C6orf136: variants seen among roughly 807,000 people sequenced by gnomAD.
C6orf136 encodes uncharacterized protein C6orf136.
A neutral mutation model predicts 44.0 loss-of-function variants in C6orf136; 29 were observed. The observed-to-expected ratio is 0.66, with a 90% CI of 0.49 to 0.90. C6orf136 has a LOEUF of 0.90. C6orf136 is among the 40% of genes least tolerant of loss of function. The pLI is 0.00. For missense variants in C6orf136, 628 were observed against 669.3 expected, an observed-to-expected ratio of 0.94 and a Z score of 0.68; for synonymous variants, 293 against 278.6, an observed-to-expected ratio of 1.05 and a Z score of -0.52.
intron 1 of C6orf136, among the ~76,000 whole-genome samples, chr6:30,649,247 C>A (rs551666446): frequency 1.3e-5 from 2 of 152,184 alleles, no homozygotes; most frequent in Non-Finnish European, 2.9e-5. Context: ...CCTGTAGTCC[C>A]AGCTACTCAG....
intron 4 of C6orf136, 70 bp from the exon 5 acceptor site, chr6:30,652,578 A>T: frequency 7.0e-7 from 1 of 1,425,890 alleles, no homozygotes; most frequent in African/African-American, 1.4e-5. Flanking sequence ...CTACTCGTTT[A>T]AACAAATGCT....
chr6:30,651,507 CCTTT>C (rs1475398583), intron 4 of C6orf136, 41 bp downstream of exon 4: 4 of 1,502,246 alleles, frequency 2.7e-6, no homozygotes, highest in South Asian at 1.2e-5. Context: ...ATAATCAGTT[CCTTT>C]TTTTTTTTTT....
chr6:30,650,864 A>C (rs952629844), intron 2 of C6orf136, 130 bp from the exon 3 acceptor site: 7 of 659,992 alleles, frequency 1.1e-5, no homozygotes, highest in African/African-American at 3.7e-5. Context: ...GTGAGCTGAG[A>C]TTGTACCTCT....
Position 30,651,269 on chromosome 6 carries a change from C to A in C6orf136, c.1110C>A (p.Gly370=), listed in dbSNP as rs1295896483. 11 of 1,613,888 alleles carry A rather than the reference C, an allele frequency of 6.8e-6. No homozygotes were observed. The highest frequency in any genetic ancestry group is 9.3e-6 in the Non-Finnish European group (11 of 1,180,000). The change falls in exon 4 of 6, where the codon GGC becomes GGA. Residue 370 remains glycine (G), a synonymous_variant. Transcript: ENST00000651131. ...INEILNIRTK[G]RTWYILSLTL... ...CTTTCCCATCCCTTCTTCACAGGGG[C>A]CGGACATGGTACATTCTTTCACTGA...
intron 2 of C6orf136, 119 bp downstream of exon 2, chr6:30,650,078 T>C: frequency 1.1e-6 from 1 of 899,680 alleles, no homozygotes; most frequent in East Asian, 2.7e-5. Context: ...TAGAAATATA[T>C]TATAAACATT....
chr6:30,649,759 G>T lies in C6orf136; in HGVS notation c.817G>T (p.Glu273Ter). Reference sequence around the variant, plus strand: ...GGTGGTTCTCCCTCCAGGAAAGGGGGAGGAGGGACCAGGACCTGAGTTGCA... The same window carrying T: ...GGTGGTTCTCCCTCCAGGAAAGGGGTAGGAGGGACCAGGACCTGAGTTGCA... ...AWVVLPPGKGEEGPGPELHSG... is the reference protein window; with the variant it reads ...AWVVLPPGKG The change falls in exon 2 of 6, where the codon GAG (glutamate) becomes TAG (stop). Residue 273 changes from glutamate to a stop codon, truncating the protein, a stop_gained. Transcript: ENST00000651131. LOFTEE classifies it high-confidence loss of function. 2 of 1,614,016 alleles carry T rather than the reference G, an allele frequency of 1.2e-6. No homozygotes were observed. The highest frequency in any genetic ancestry group is 8.5e-7 in the Non-Finnish European group (1 of 1,179,964).
chr6:30,647,822 C>T lies in C6orf136; in HGVS notation c.591C>T (p.Ala197=), dbSNP rs551411222. The T allele has an allele frequency of 2.0e-6, 3 of 1,513,316 alleles. No homozygotes were observed. Among genetic ancestry groups the T allele is most frequent in the Non-Finnish European group, 2.7e-6 (3 of 1,131,288 alleles). 93.7% of individuals were successfully genotyped at this position (1,513,316 alleles called of 1,614,324 possible). A position where few individuals can be genotyped will look rare whatever the true frequency, so the allele number is the denominator to read the frequency against. The change falls in exon 1 of 6, where the codon GCC becomes GCT. Residue 197 remains alanine, a synonymous_variant. Transcript: ENST00000651131. This position sits in a 1 kb window ranked among gnomAD's most constrained non-coding sequence, Gnocchi z 4.8. ...QDGHAPSRDG[A]SRTPSGTEDQ... ...GCCACGCCCCCAGCAGAGACGGCGC[C>T]TCTAGGACACCATCGGGGACCGAGG...
chr6:30,647,556 G>C lies in C6orf136; in HGVS notation c.325G>C (p.Ala109Pro). 1 of 1,531,188 alleles carries C rather than the reference G, an allele frequency of 6.5e-7. No individual in the cohort carries two copies. The highest frequency in any genetic ancestry group is 1.7e-4 in the Middle Eastern group (1 of 5,954). The allele number at this position is 1,531,188 out of a possible 1,614,324, so 94.9% of individuals were successfully genotyped here. A position where few individuals can be genotyped will look rare whatever the true frequency, so the allele number is the denominator to read the frequency against. Residue 109 changes from alanine (A) to proline (P), a missense_variant, in exon 1 of 6, where the codon GCG (alanine) becomes CCG (proline). By Grantham distance (27) the Ala-to-Pro change is conservative (BLOSUM62 -1). Around this residue, in one of 2 missense-constraint regions of C6orf136, gnomAD observed 497 missense variants for 469.2 expected, o/e 1.06. Transcript: ENST00000651131. This position sits in a 1 kb window ranked among gnomAD's most constrained non-coding sequence, Gnocchi z 4.8. ...RAVRRGQGQA[A>P]GRVCVAPDSP... is the part of the protein sequence containing the mutation. ...GGTCAGGCGGGGTCAAGGCCAGGCA[G>C]CGGGGCGCGTCTGCGTTGCGCCCGA... is the stretch of plus-strand genomic sequence containing the variant.
At position 30,647,160 on chromosome 6, in the gene C6orf136, T is replaced by G; in HGVS notation, c.-72T>G. ...CCTTTCCCCTTCACGAAGCCGGCTC[T>G]GGGGCGCGCTCACCCCTGTGAGGAG... On this transcript the variant is annotated 5_prime_UTR_variant, in exon 1 of 6. Transcript: ENST00000651131. This position sits in a 1 kb window ranked among gnomAD's most constrained non-coding sequence, Gnocchi z 4.8. The G allele has an allele frequency of 8.8e-7, 1 of 1,140,760 alleles. No individual in the cohort carries two copies. Among genetic ancestry groups the G allele is most frequent in the Non-Finnish European group, 1.1e-6 (1 of 879,698 alleles). 70.7% of individuals were successfully genotyped at this position (1,140,760 alleles called of 1,614,324 possible).
intron 4 of C6orf136, 151 bp from the exon 5 acceptor site, chr6:30,652,497 C>T (rs1767528770): frequency 2.7e-6 from 2 of 729,562 alleles, no homozygotes; most frequent in Non-Finnish European, 5.0e-6. Context: ...TTAATTGAGA[C>T]AGGGCACAAC....
chr6:30,647,672 G>A lies in C6orf136; in HGVS notation c.441G>A (p.Pro147=). ...CTGCGGCGCCGTCCCGGAGTTCCCC[G>A]GCCCAGACCAGACCCGCGGGGCGCC... ...SPAAAPSRSS[P]AQTRPAGRPQ... is the part of the protein sequence containing the mutation. The change falls in exon 1 of 6, where the codon CCG becomes CCA. Residue 147 remains proline, a synonymous_variant. Transcript: ENST00000651131. This position sits in a 1 kb window ranked among gnomAD's most constrained non-coding sequence, Gnocchi z 4.8. 1.9e-6 allele frequency: 3 copies of A among 1,550,030 alleles called. No individual in the cohort carries two copies. Among genetic ancestry groups the A allele is most frequent in the Non-Finnish European group, 2.6e-6 (3 of 1,146,630 alleles).
In C6orf136 at chr6:30,652,740, T is replaced by C. The variant is rs901617266; in HGVS notation, c.1377+23T>C. 2.5e-6 allele frequency: 4 copies of C among 1,612,620 alleles called. No individual in the cohort carries two copies. In the African/African-American group the frequency reaches 5.3e-5, roughly 22 times the overall value. ...AAAGTGAGTCCTAGGTAGGGCTGGG[T>C]GGGGTAAAGGGTAGAACATTTGTGT... On this transcript the variant is annotated intron_variant, in intron 5 of 5. Transcript: ENST00000651131.
rs763042784 is a variant in C6orf136 at position 30,651,266 on chromosome 6, G to A, written c.1107G>A (p.Lys369=). Residue 369 remains lysine (K), a splice_region_variant and synonymous_variant, in exon 4 of 6, where the codon AAG becomes AAA. Transcript: ENST00000651131. ...TTTCTTTCCCATCCCTTCTTCACAG[G>A]GGCCGGACATGGTACATTCTTTCAC... The part of the protein sequence containing the change: ...FINEILNIRT[K]GRTWYILSLT... The A allele has an allele frequency of 6.8e-6, 11 of 1,613,840 alleles. No homozygotes were observed. The Admixed American group carries it at 8.3e-5, about 12-fold the overall frequency.
In C6orf136 at chr6:30,647,600, G is replaced by A. The variant is rs1346931261; in HGVS notation, c.369G>A (p.Val123=). ...CVAPDSPRLP[V]PRGDLKGRGR... ...CGCCCGACTCTCCGCGGTTACCTGTGCCTAGAGGTGATTTGAAGGGCAGGG... is the reference window on the plus strand; with the variant it reads ...CGCCCGACTCTCCGCGGTTACCTGTACCTAGAGGTGATTTGAAGGGCAGGG... Residue 123 remains valine, a synonymous_variant, in exon 1 of 6, where the codon GTG becomes GTA. Coordinates refer to ENST00000651131, the MANE Select transcript of C6orf136 (RefSeq NM_001161376.2). This position sits in a 1 kb window ranked among gnomAD's most constrained non-coding sequence, Gnocchi z 4.8. 1 of 1,548,982 alleles carries A rather than the reference G, an allele frequency of 6.5e-7. No homozygotes were observed. Among genetic ancestry groups the A allele is most frequent in the Admixed American group, 2.0e-5 (1 of 50,926 alleles).
chr6:30,647,215 T>C lies in C6orf136; in HGVS notation c.-17T>C, dbSNP rs1322980887. 13 of 1,565,410 alleles carry C rather than the reference T, an allele frequency of 8.3e-6. No homozygotes were observed. The highest frequency in any genetic ancestry group is 1.1e-5 in the Non-Finnish European group (13 of 1,161,968). On this transcript the variant is annotated 5_prime_UTR_variant, in exon 1 of 6. Transcript: ENST00000651131. The surrounding 1 kb of genome is among the most constrained non-coding windows in gnomAD (Gnocchi z 4.8). Reference sequence around the variant, plus strand: ...GAGGTCGGACTCAGGAGGCTCCTTCTCCACTCCCGGAAGATCATGTACCAG... The same window carrying C: ...GAGGTCGGACTCAGGAGGCTCCTTCCCCACTCCCGGAAGATCATGTACCAG...
chr6:30,650,145 G>T (rs546997781), intron 2 of C6orf136, among the ~76,000 whole-genome samples, 186 bp downstream of exon 2: 1 of 152,226 alleles, frequency 6.6e-6, no homozygotes, highest in East Asian at 1.9e-4. Context: ...TGTAATCCCA[G>T]CACTTTGGGA....
In C6orf136 at chr6:30,647,295, C is replaced by T; in HGVS notation, c.64C>T (p.Arg22Ter). ...CCCTTGCCTGCGCGCCTACCAGGCT[C>T]GACCCCAGGTGAGCGGAGGAGAAGA... ...LGPCLRAYQA[R>*]PQVSGGEEGG... Residue 22 changes from arginine (R) to a stop codon, truncating the protein, a stop_gained, in exon 1 of 6, where the codon CGA becomes TGA. Coordinates refer to ENST00000651131, the MANE Select transcript of C6orf136 (RefSeq NM_001161376.2). LOFTEE classifies it high-confidence loss of function. The surrounding 1 kb of genome is among the most constrained non-coding windows in gnomAD (Gnocchi z 4.8). The T allele has an allele frequency of 6.3e-7, 1 of 1,599,418 alleles. No homozygotes were observed. The highest frequency in any genetic ancestry group is 8.5e-7 in the Non-Finnish European group (1 of 1,175,012).
chr6:30,652,760 T>C, intron 5 of C6orf136, 42 bp from the exon 6 acceptor site: 1 of 1,612,196 alleles, frequency 6.2e-7, no homozygotes, highest in Non-Finnish European at 8.5e-7. Flanking sequence ...GGTAGAACAT[T>C]TGTGTGCCTC....
rs778064836 is a variant in C6orf136 at position 30,652,846 on chromosome 6, A to G, written c.1422A>G (p.Leu474=). Reference sequence around the variant, plus strand: ...CTCCAACGCCTGTGAAGAAGCTGCTAGTGGGAGCCCTGGTGGCCCTGGGGC... The same window carrying G: ...CTCCAACGCCTGTGAAGAAGCTGCTGGTGGGAGCCCTGGTGGCCCTGGGGC... ...HSPPTPVKKL[L]VGALVALGLS... is the part of the protein sequence containing the mutation. Residue 474 remains leucine, a synonymous_variant, in exon 6 of 6, where the codon CTA becomes CTG. Transcript: ENST00000651131. 3.7e-6 allele frequency: 6 copies of G among 1,612,950 alleles called. No individual in the cohort carries two copies. Among genetic ancestry groups the G allele is most frequent in the Non-Finnish European group, 5.1e-6 (6 of 1,180,048 alleles).
Sources: allele counts gnomAD v4.1 joint callset (sites outside exome capture counted in the v4.1 genomes callset), GRCh38; gene constraint gnomAD v4.1.1; regional missense constraint gnomAD v4.1.1; non-coding constraint Gnocchi (gnomAD v3.1); transcripts MANE v1.5; gene names NCBI Gene and HGNC (gene_info 2026-07-23, HGNC 2026-07-21).